The following SMCO4 variants were observed in gnomAD, a reference collection of about 807,000 sequenced individuals.
SMCO4 encodes the protein single-pass membrane and coiled-coil domain-containing protein 4.
Under a neutral mutation model 3.6 loss-of-function variants are expected in SMCO4, and 4 were observed. The ratio of observed to expected loss-of-function variants is 1.11; its 90% CI spans 0.54 to 2.53. The LOEUF (loss-of-function observed/expected upper bound fraction) is 2.53. Among genes scored for constraint, SMCO4 ranks in the 30% most tolerant of loss-of-function variants. The pLI is 0.02. For missense variants in SMCO4, 70 were observed against 80.8 expected (o/e 0.87, Z 0.51); for synonymous variants, 36 against 35.3 (o/e 1.02, Z -0.07).
chr11:93,479,052 C>T lies in SMCO4; in HGVS notation c.138G>A (p.Val46=), dbSNP rs542887920. ...PTLAVVVLLI[V]VFVYVATRPT... is the part of the protein sequence containing the mutation. ...GGCGCGTGGCCACGTACACAAACAC[C>T]ACGATCAAGAGCACGACCACGGCCA... The change falls in exon 3 of 3, where the codon GTG becomes GTA. Residue 46 remains valine, a synonymous_variant. Coordinates refer to ENST00000298966, the MANE Select transcript of SMCO4 (RefSeq NM_020179.3). 53 of 1,613,526 alleles carry T rather than the reference C, an allele frequency of 3.3e-5. 1 individual carries two copies. In the East Asian group the frequency reaches 8.0e-4, roughly 24 times the overall value.
chr11:93,479,945 G>A (rs1045508499), intron 2 of SMCO4, among the ~76,000 whole-genome samples: 1 of 152,108 alleles, frequency 6.6e-6, no homozygotes, highest in Non-Finnish European at 1.5e-5. Context: ...AATAATGAAG[G>A]GAGACGGCTG....
chr11:93,491,223 A>G (rs975523574), intron 2 of SMCO4, among the ~76,000 whole-genome samples: 2 of 152,364 alleles, frequency 1.3e-5, no homozygotes, highest in African/African-American at 2.4e-5. Flanking sequence ...GAAAGCATGC[A>G]AGCCATCCAA....
chr11:93,492,829 T>C (rs915415358), intron 2 of SMCO4, among the ~76,000 whole-genome samples: 1 of 152,242 alleles, frequency 6.6e-6, no homozygotes, highest in Non-Finnish European at 1.5e-5. Context: ...GCAAACACAC[T>C]GTGCACTCTC....
chr11:93,509,945 A>G (rs1948943033), intron 1 of SMCO4, among the ~76,000 whole-genome samples: 1 of 152,180 alleles, frequency 6.6e-6, no homozygotes, highest in African/African-American at 2.4e-5. Flanking sequence ...ATAATCAAAC[A>G]CTACCTCTTC....
intron 1 of SMCO4, among the ~76,000 whole-genome samples, chr11:93,510,468 A>T (rs1044523790): frequency 2.6e-5 from 4 of 152,190 alleles, no homozygotes; most frequent in African/African-American, 9.7e-5. Flanking sequence ...AGAGATTTTT[A>T]AAAAACAGTC....
At chr11:93,531,072 T>G (rs553637235) in intron 1 of SMCO4, among the ~76,000 whole-genome samples, 6 of 152,356 alleles carry the variant, frequency 3.9e-5, no homozygotes, top group African/African-American at 1.4e-4. Flanking sequence ...GGCCAAAGAT[T>G]ATTCCTTGTA....
chr11:93,542,490 C>T (rs1235185622), intron 1 of SMCO4, among the ~76,000 whole-genome samples: 1 of 152,222 alleles, frequency 6.6e-6, no homozygotes, highest in Non-Finnish European at 1.5e-5. Flanking sequence ...TCAGCTGTCC[C>T]TCCTCAACTT....
chr11:93,533,925 G>C (rs1033417744), intron 1 of SMCO4, among the ~76,000 whole-genome samples: 4 of 152,006 alleles, frequency 2.6e-5, no homozygotes, highest in Non-Finnish European at 4.4e-5. Flanking sequence ...GGTAGCTCAC[G>C]CCTGTAATCC....
chr11:93,545,280 A>G (rs1250487669), upstream of SMCO4, among the ~76,000 whole-genome samples: 2 of 152,128 alleles, frequency 1.3e-5, no homozygotes, highest in Non-Finnish European at 2.9e-5. Flanking sequence ...TAACATAGAT[A>G]TTGTGTCTGT....
chr11:93,549,335 C>G, the SMCO4 span, among the ~76,000 whole-genome samples: 1 of 152,218 alleles, frequency 6.6e-6, no homozygotes, highest in African/African-American at 2.4e-5. Context: ...ACTTAATTAA[C>G]CTTAACCTCT....
Position 93,500,886 on chromosome 11 carries a change from G to A in SMCO4, c.-153-1538C>T, listed in dbSNP as rs1948830198. ...GCTGCAGCAAAGGCTCTACCAGTTT[G>A]CCCTAGTTTCTAGGCCTTCTGAGCA... On this transcript the variant is annotated intron_variant, in intron 1 of 2. Transcript: ENST00000298966. 2.6e-5 allele frequency among the ~76,000 whole-genome samples: 4 copies of A among 152,274 alleles called. No individual in the cohort carries two copies. The South Asian group carries it at 8.3e-4, about 32-fold the overall frequency.
intron 1 of SMCO4, among the ~76,000 whole-genome samples, chr11:93,526,922 C>G (rs1949113495): frequency 6.6e-6 from 1 of 152,204 alleles, no homozygotes; most frequent in South Asian, 2.1e-4. Flanking sequence ...GACAAGGCCA[C>G]ATATCTGAGC....
intron 2 of SMCO4, among the ~76,000 whole-genome samples, chr11:93,485,481 C>G (rs1217014860): frequency 6.6e-6 from 1 of 152,256 alleles, no homozygotes; most frequent in Non-Finnish European, 1.5e-5. Context: ...TCACATGTGG[C>G]CTTTGCCAGC....
At chr11:93,553,072 G>A in the SMCO4 span, among the ~76,000 whole-genome samples, 2 of 152,144 alleles carry the variant, frequency 1.3e-5, no homozygotes, top group African/African-American at 4.8e-5. Context: ...ACTGTCCAGA[G>A]CTTCTGCTAC....
chr11:93,553,247 A>G, the SMCO4 span, among the ~76,000 whole-genome samples: 1 of 152,228 alleles, frequency 6.6e-6, no homozygotes, highest in Non-Finnish European at 1.5e-5. Flanking sequence ...TCAGGGTTCA[A>G]CAGATAAGAT....
At chr11:93,536,223 A>C (rs1347644311) in intron 1 of SMCO4, among the ~76,000 whole-genome samples, 2 of 152,220 alleles carry the variant, frequency 1.3e-5, no homozygotes, top group African/African-American at 4.8e-5. Context: ...GCAGCCCATT[A>C]CCACTGACAA....
chr11:93,547,553 G>A (rs982981710), upstream of SMCO4, among the ~76,000 whole-genome samples: 4 of 151,840 alleles, frequency 2.6e-5, no homozygotes, highest in Non-Finnish European at 4.4e-5. Context: ...TGTGTCTCTC[G>A]AATTCTCCCT....
intron 2 of SMCO4, among the ~76,000 whole-genome samples, chr11:93,494,342 T>C (rs1948751577): frequency 6.6e-6 from 1 of 152,186 alleles, no homozygotes; most frequent in African/African-American, 2.4e-5. Context: ...TATGCATCAC[T>C]TCAGAGTGCA....
chr11:93,546,235 TCTAAG>T (rs2134648851), upstream of SMCO4, among the ~76,000 whole-genome samples: 1 of 152,336 alleles, frequency 6.6e-6, no homozygotes, highest in Non-Finnish European at 1.5e-5. Flanking sequence ...AGTCACTAAA[TCTAAG>T]CTTAGCAGAG....
Sources: gnomAD v4.1 joint callset for allele counts (sites outside exome capture counted in the v4.1 genomes callset) on GRCh38, gnomAD v4.1.1 for gene constraint, MANE v1.5 for transcripts, NCBI Gene and HGNC (gene_info 2026-07-23, HGNC 2026-07-21) for gene names.